The following BIN1 variants were observed in gnomAD, a reference collection of about 807,000 sequenced individuals.
The protein encoded by BIN1 is bridging integrator 1, also known as myc box-dependent-interacting protein 1.
Under a neutral mutation model 82.0 loss-of-function variants are expected in BIN1, and 53 were observed. The observed-to-expected ratio is 0.65, with a 90% CI of 0.52 to 0.81. The LOEUF (loss-of-function observed/expected upper bound fraction) is 0.81, where lower values mean the gene tolerates loss of function less well. BIN1 is among the 40% of genes least tolerant of loss of function. The pLI, the probability that BIN1 is intolerant of heterozygous loss-of-function variation, is 0.00. For synonymous variants in BIN1, 302 were observed against 328.0 expected, an observed-to-expected ratio of 0.92 and a Z score of 0.86; for missense variants, 642 against 784.4, an observed-to-expected ratio of 0.82 and a Z score of 2.17.
At chr2:127,053,875 G>T in intron 13 of BIN1, 30 bp downstream of exon 13, 1 of 1,542,772 alleles carries the variant, frequency 6.5e-7, no homozygotes, top group Non-Finnish European at 8.8e-7. Context: ...GAAGCTGGTG[G>T]GCCCATGGGC....
intron 1 of BIN1, among the ~76,000 whole-genome samples, chr2:127,080,774 G>A (rs111402401): frequency 3.3e-5 from 5 of 152,256 alleles, no homozygotes; most frequent in African/African-American, 7.2e-5. Context: ...GGGCAGGGAG[G>A]GGGGGCAGGT....
intron 7 of BIN1, among the ~76,000 whole-genome samples, chr2:127,065,201 A>G (rs1247264666): frequency 6.6e-6 from 1 of 152,146 alleles, no homozygotes; most frequent in African/African-American, 2.4e-5. Flanking sequence ...AGGAGGGGCC[A>G]CCATGGCTTC....
chr2:127,050,475 C>T lies in BIN1; in HGVS notation c.1620G>A (p.Gln540=), dbSNP rs561244491. Residue 540 remains glutamine, a synonymous_variant, in exon 18 of 19, where the codon CAG becomes CAA. Transcript: ENST00000316724. ...DYTATDTDEL[Q]LKAGDVVLVI... ...CCAGCACCACATCACCAGCCTTGAGCTGCAGCTCGTCTGTGTCAGTGGCCG... is the reference window on the plus strand; with the variant it reads ...CCAGCACCACATCACCAGCCTTGAGTTGCAGCTCGTCTGTGTCAGTGGCCG... 6.2e-7 allele frequency: 1 copy of T among 1,614,132 alleles called. No individual in the cohort carries two copies. Among genetic ancestry groups the T allele is most frequent in the African/African-American group, 1.3e-5 (1 of 74,940 alleles).
At chr2:127,086,621 C>A (rs1678200356) in intron 1 of BIN1, among the ~76,000 whole-genome samples, 1 of 152,028 alleles carries the variant, frequency 6.6e-6, no homozygotes, top group Admixed American at 6.5e-5. Flanking sequence ...AATTCCCCTG[C>A]CTCAGCCTCC....
intron 18 of BIN1, 47 bp downstream of exon 18, chr2:127,050,374 G>A: frequency 6.2e-7 from 1 of 1,603,204 alleles, no homozygotes; most frequent in Non-Finnish European, 8.5e-7. Context: ...CCGCAGCCAG[G>A]ATGCCTGTGG....
intron 1 of BIN1, among the ~76,000 whole-genome samples, chr2:127,104,473 GAT>G (rs1365256071): frequency 2.6e-5 from 4 of 152,162 alleles, no homozygotes; most frequent in Non-Finnish European, 5.9e-5. Context: ...GTGGATGCAA[GAT>G]ACGGGCCCTT....
chr2:127,074,486 C>T (rs1366062014), intron 2 of BIN1, among the ~76,000 whole-genome samples: 1 of 152,212 alleles, frequency 6.6e-6, no homozygotes, highest in East Asian at 1.9e-4. Flanking sequence ...CCTGGCAGCC[C>T]GCAGCACTGG....
chr2:127,079,952 T>G (rs1215475571), intron 1 of BIN1, among the ~76,000 whole-genome samples: 1 of 152,206 alleles, frequency 6.6e-6, no homozygotes, highest in Non-Finnish European at 1.5e-5. Context: ...CTCCCCACTC[T>G]GCGAGACCTC....
rs756816560 is a variant in BIN1 at position 127,050,840 on chromosome 2, C to T, written c.1534G>A (p.Ala512Thr). Residue 512 changes from alanine to threonine, a missense_variant, in exon 17 of 19, where the codon GCC becomes ACC. By Grantham distance (58) the Ala-to-Thr change is moderately conservative. Transcript: ENST00000316724. ...CCTGGGGGCAGGTCCAAGCGCCCGG[C>T]CCCACTGCCGCCCTCCACGGTGCCA... Reference protein sequence around the residue: ...VNGTVEGGSGAGRLDLPPGFM... With the variant: ...VNGTVEGGSGTGRLDLPPGFM... 5 of 1,613,770 alleles carry T rather than the reference C, an allele frequency of 3.1e-6. No individual in the cohort carries two copies. The Admixed American group carries it at 5.0e-5, about 16-fold the overall frequency.
chr2:127,057,632 C>A lies in BIN1; in HGVS notation c.1003-31G>T, dbSNP rs188995546. 12 of 1,491,426 alleles carry A rather than the reference C, an allele frequency of 8.0e-6. No individual in the cohort carries two copies. In the African/African-American group the frequency reaches 1.7e-4, roughly 21 times the overall value. 92.4% of individuals were successfully genotyped at this position (1,491,426 alleles called of 1,614,324 possible). A position where few individuals can be genotyped will look rare whatever the true frequency, so the allele number is the denominator to read the frequency against. On this transcript the variant is annotated intron_variant, in intron 11 of 18. Transcript: ENST00000316724. The surrounding 1 kb of genome is among the most constrained non-coding windows in gnomAD (Gnocchi z 5.0). ...GGTCGGCGGCGGGTGAGGGGCCGCG[C>A]GGGAAGGCACAGCAGAGCACGGGGT...
rs538480311 is a variant in BIN1 at position 127,083,092 on chromosome 2, CT to C, written c.85-6387del. On this transcript the variant is annotated intron_variant, in intron 1 of 18. Coordinates refer to ENST00000316724, the MANE Select transcript of BIN1 (RefSeq NM_139343.3). ...TTTGCTTTTTTCTTTTTTTTTTTTT[CT>C]TTTTTTTTGCTTTTCTCTTTTCTTG... Among the ~76,000 whole-genome samples, 5 of 131,494 alleles carry C rather than the reference CT, an allele frequency of 3.8e-5. No homozygotes were observed. In the South Asian group the frequency reaches 9.7e-4, roughly 26 times the overall value. The allele number at this position is 131,494 out of a possible 152,430, so 86.3% of individuals were successfully genotyped here.
intron 12 of BIN1, chr2:127,056,352 T>A (rs1328757246): frequency 1.3e-5 from 2 of 152,318 alleles, no homozygotes; most frequent in East Asian, 1.9e-4. Context: ...AGAGAGGGGC[T>A]CCCGCGCCTG....
Position 127,068,420 on chromosome 2 carries a change from G to T in BIN1, c.520-165C>A, listed in dbSNP as rs1011045407. Among the ~76,000 whole-genome samples, 1 of 151,968 alleles carries T rather than the reference G, an allele frequency of 6.6e-6. No individual in the cohort carries two copies. The highest frequency in any genetic ancestry group is 2.1e-4 in the South Asian group (1 of 4,816). ...CGAGAGAATTAGGGGGAGCCCGGGG[G>T]GTAAGGAAAGGGGGTGAACTCCAAC... On this transcript the variant is annotated intron_variant, in intron 6 of 18. Coordinates refer to ENST00000316724, the MANE Select transcript of BIN1 (RefSeq NM_139343.3). This position sits in a 1 kb window ranked among gnomAD's most constrained non-coding sequence, Gnocchi z 4.9.
At chr2:127,052,740 GC>G in intron 14 of BIN1, 1 of 301,870 alleles carries the variant, frequency 3.3e-6, no homozygotes, top group Non-Finnish European at 6.3e-6. Context: ...ACACCCGCCT[GC>G]CCCTCCCAGC....
Position 127,068,970 on chromosome 2 carries a change from T to C in BIN1, c.473A>G (p.Glu158Gly). ...VDYDSARHHY[E>G]SLQTAKKKDE... ...CTTCTTTTTGGCAGTTTGAAGGGAC[T>C]CGTAGTGGTGCCGGGCACTGTCGTA... is the stretch of plus-strand genomic sequence containing the variant. The change falls in exon 6 of 19, where the codon GAG (glutamate) becomes GGG (glycine). Residue 158 changes from glutamate (E) to glycine (G), a missense_variant. Glu to Gly is a moderately conservative substitution (Grantham distance 98). Transcript: ENST00000316724. This position sits in a 1 kb window ranked among gnomAD's most constrained non-coding sequence, Gnocchi z 4.9. 1.2e-6 allele frequency: 2 copies of C among 1,614,192 alleles called. No homozygotes were observed. The highest frequency in any genetic ancestry group is 2.2e-5 in the South Asian group (2 of 91,084).
intron 1 of BIN1, among the ~76,000 whole-genome samples, chr2:127,092,884 C>T (rs552689762): frequency 6.6e-6 from 1 of 152,252 alleles, no homozygotes; most frequent in South Asian, 2.1e-4. Flanking sequence ...GGAAGAGGAG[C>T]TCCTCCTGCA....
Position 127,090,527 on chromosome 2 carries a change from T to C in BIN1, c.85-13821A>G, listed in dbSNP as rs1678785230. ...TCCCTCCACACAAGTGCGGGTGCTA[T>C]TCTCAGCCCAGCTCCAGGACACTGG... On this transcript the variant is annotated intron_variant, in intron 1 of 18. Coordinates refer to ENST00000316724, the MANE Select transcript of BIN1 (RefSeq NM_139343.3). This position sits in a 1 kb window ranked among gnomAD's most constrained non-coding sequence, Gnocchi z 6.4. 6.6e-6 allele frequency among the ~76,000 whole-genome samples: 1 copy of C among 152,208 alleles called. No individual in the cohort carries two copies. The highest frequency in any genetic ancestry group is 1.5e-5 in the Non-Finnish European group (1 of 68,040).
chr2:127,098,058 G>C (rs952092372), intron 1 of BIN1, among the ~76,000 whole-genome samples: 3 of 152,234 alleles, frequency 2.0e-5, no homozygotes, highest in Admixed American at 6.5e-5. Context: ...GAGCTCCTGA[G>C]AGCAGGCACC....
rs2071267 is a variant in BIN1, at chr2:127,063,876, C to T, written c.698+57G>A. 0.18 allele frequency: 295,586 copies of T among 1,603,728 alleles called. 28,428 individuals carry two copies. Among genetic ancestry groups the T allele is most frequent in the East Asian group, 0.2 (8,821 of 44,770 alleles). On this transcript the variant is annotated intron_variant, in intron 8 of 18. Transcript: ENST00000316724. ...GCACCACAGCACGCAGACTGGGCAC[C>T]GCAGCACGCAGACTGGACACTGCCC...
Sources: allele counts gnomAD v4.1 joint callset (sites outside exome capture counted in the v4.1 genomes callset), GRCh38; gene constraint gnomAD v4.1.1; non-coding constraint Gnocchi (gnomAD v3.1); transcripts MANE v1.5; gene names NCBI Gene and HGNC (gene_info 2026-07-23, HGNC 2026-07-21).